GLMN: variants seen among roughly 807,000 people sequenced by gnomAD.
GLMN encodes the protein glomulin, FKBP associated protein, also known as glomulin.
A neutral mutation model predicts 87.8 loss-of-function variants in GLMN; 75 were observed. That is an observed-to-expected ratio of 0.85 (90% CI 0.71 to 1.04). The LOEUF (loss-of-function observed/expected upper bound fraction) is 1.04, where lower values mean the gene tolerates loss of function less well. GLMN is among the 50% of genes least tolerant of loss of function. The pLI is 0.00. For missense variants in GLMN, 588 were observed against 658.8 expected, an observed-to-expected ratio of 0.89 and a Z score of 1.18; for synonymous variants, 206 against 221.6, an observed-to-expected ratio of 0.93 and a Z score of 0.63.
intron 7 of GLMN, among the ~76,000 whole-genome samples, chr1:92,280,612 T>C (rs541068272): frequency 3.9e-5 from 6 of 152,252 alleles, no homozygotes; most frequent in Admixed American, 2.6e-4. Context: ...GGACGGAGAA[T>C]GAGTTTGATG....
chr1:92,304,221 TGTAAC>T, the GLMN span: 3 of 1,221,752 alleles, frequency 2.5e-6, no homozygotes, highest in Non-Finnish European at 3.6e-6. Context: ...GACTTAATCT[TGTAAC>T]ATAACGTTCA....
the GLMN span, among the ~76,000 whole-genome samples, chr1:92,362,166 TAA>T: frequency 6.6e-6 from 1 of 152,210 alleles, no homozygotes; most frequent in East Asian, 1.9e-4. Context: ...CCAGGTGTAT[TAA>T]GAGTGCTCGT....
Position 92,261,788 on chromosome 1 carries a change from AG to A in GLMN, c.1473+1074del, listed in dbSNP as rs566435868. ...TCGGAGAAAGTATGCTGACGTCTGC[AG>A]TTTACTTTGAAATACATCAAAAAAT... On this transcript the variant is annotated intron_variant, in intron 16 of 18. Coordinates refer to ENST00000370360, the MANE Select transcript of GLMN (RefSeq NM_053274.3). 2.7e-4 allele frequency among the ~76,000 whole-genome samples: 39 copies of A among 145,184 alleles called. No individual in the cohort carries two copies. The South Asian group carries it at 4.4e-3, about 16-fold the overall frequency.
Position 92,268,852 on chromosome 1 carries a change from T to C in GLMN, c.978-717A>G, listed in dbSNP as rs116129243. ...TTATAGTGAAAGAAAACAAAGCATA[T>C]AGTTCTGTGAAATTCTTTAATTTCT... is the stretch of plus-strand genomic sequence containing the variant. On this transcript the variant is annotated intron_variant, in intron 9 of 18. Transcript: ENST00000370360. Among the ~76,000 whole-genome samples, 905 of 152,148 alleles carry C rather than the reference T, an allele frequency of 5.9e-3. 8 individuals carry two copies. Among genetic ancestry groups the C allele is most frequent in the African/African-American group, 0.019 (797 of 41,498 alleles).
the GLMN span, among the ~76,000 whole-genome samples, chr1:92,362,692 T>A: frequency 1.3e-5 from 2 of 152,192 alleles, no homozygotes; most frequent in Non-Finnish European, 2.9e-5. Context: ...AGTAATTGAA[T>A]CTCCAGGACT....
At chr1:92,304,239 TTTA>T in the GLMN span, 1 of 1,304,436 alleles carries the variant, frequency 7.7e-7, no homozygotes, top group South Asian at 1.2e-5. Context: ...AACGTTCATG[TTTA>T]TTATTTGGAT....
At chr1:92,259,393 T>C (rs1654701453) in intron 16 of GLMN, among the ~76,000 whole-genome samples, 1 of 152,100 alleles carries the variant, frequency 6.6e-6, no homozygotes, top group Admixed American at 6.5e-5. Flanking sequence ...AGAAGGTGCC[T>C]GAAACTTAAC....
chr1:92,369,785 G>A, the GLMN span, among the ~76,000 whole-genome samples: 1 of 152,192 alleles, frequency 6.6e-6, no homozygotes, highest in African/African-American at 2.4e-5. Flanking sequence ...AGCCTGGGGA[G>A]TCAATTTAAC....
the GLMN span, among the ~76,000 whole-genome samples, chr1:92,304,628 TAG>T: frequency 6.6e-5 from 10 of 152,156 alleles, no homozygotes; most frequent in Non-Finnish European, 1.2e-4. Context: ...TGGAACAGAA[TAG>T]AGAGTCAGCA....
At chr1:92,350,083 A>T in the GLMN span, among the ~76,000 whole-genome samples, 1 of 152,186 alleles carries the variant, frequency 6.6e-6, no homozygotes. Context: ...ACCATGACCC[A>T]TTCCCACTTC....
intron 16 of GLMN, 150 bp downstream of exon 16, chr1:92,262,713 T>TAAC (rs1459067941): frequency 1.9e-6 from 1 of 531,876 alleles, no homozygotes; most frequent in Non-Finnish European, 3.5e-6. Context: ...TCCTGGGAAT[T>TAAC]AACTTCAGGT....
At chr1:92,364,516 T>C in the GLMN span, among the ~76,000 whole-genome samples, 1 of 152,136 alleles carries the variant, frequency 6.6e-6, no homozygotes, top group Non-Finnish European at 1.5e-5. Flanking sequence ...TATTTTTTGC[T>C]GGGCACCTTC....
At chr1:92,320,230 C>T in the GLMN span, among the ~76,000 whole-genome samples, 1 of 151,940 alleles carries the variant, frequency 6.6e-6, no homozygotes, top group African/African-American at 2.4e-5. Context: ...GAGACTAATC[C>T]AGATTTCTTG....
chr1:92,344,418 C>G, the GLMN span, among the ~76,000 whole-genome samples: 1 of 152,038 alleles, frequency 6.6e-6, no homozygotes, highest in Non-Finnish European at 1.5e-5. Flanking sequence ...AAAGAAAATG[C>G]TATACGATGT....
chr1:92,309,166 G>A, the GLMN span, among the ~76,000 whole-genome samples: 26 of 152,168 alleles, frequency 1.7e-4, no homozygotes, highest in Admixed American at 1.0e-3. Context: ...CCTTTGTGCC[G>A]GGCGTGGTGG....
intron 16 of GLMN, among the ~76,000 whole-genome samples, chr1:92,260,486 C>G (rs529354039): frequency 1.5e-3 from 227 of 151,788 alleles, no homozygotes; most frequent in African/African-American, 5.2e-3. Flanking sequence ...GTGGTGGTGC[C>G]TGGCTGTAGT....
chr1:92,264,842 T>A (rs558749047), intron 13 of GLMN, among the ~76,000 whole-genome samples: 1 of 152,166 alleles, frequency 6.6e-6, no homozygotes, highest in Non-Finnish European at 1.5e-5. Flanking sequence ...AATTCTTATT[T>A]ATTTTATTTT....
the GLMN span, among the ~76,000 whole-genome samples, chr1:92,361,116 CAT>C: frequency 0.83 from 123,053 of 148,290 alleles, 51,144 homozygotes; most frequent in East Asian, 0.98. Flanking sequence ...CACACACACA[CAT>C]ATATATATAT....
chr1:92,343,689 G>A, the GLMN span, among the ~76,000 whole-genome samples: 1 of 152,222 alleles, frequency 6.6e-6, no homozygotes. Context: ...TTGGAATAGT[G>A]AAGTACACAA....
Sources: allele counts gnomAD v4.1 joint callset (sites outside exome capture counted in the v4.1 genomes callset), GRCh38; gene constraint gnomAD v4.1.1; transcripts MANE v1.5; gene names NCBI Gene and HGNC (gene_info 2026-07-23, HGNC 2026-07-21).